Variants in PRKX observed in about 807,000 individuals in gnomAD.
The protein encoded by PRKX is cAMP-dependent protein kinase catalytic subunit PRKX.
PRKX carries 12 observed loss-of-function variants against 22.0 expected under a neutral mutation model. The observed-to-expected ratio is 0.54, with a 90% CI of 0.35 to 0.88. PRKX has a LOEUF of 0.88. PRKX is among the 40% of genes least tolerant of loss of function. The pLI is 0.01. For synonymous variants in PRKX, 134 were observed against 137.7 expected, an observed-to-expected ratio of 0.97 and a Z score of 0.19; for missense variants, 217 against 308.0, an observed-to-expected ratio of 0.70 and a Z score of 2.21.
At chrX:3,708,597 G>A (rs1439798853) in intron 1 of PRKX, among the ~76,000 whole-genome samples, 2 of 110,602 alleles carry the variant, frequency 1.8e-5, no homozygotes, top group Non-Finnish European at 3.8e-5. Context: ...AGGCACGGTG[G>A]CTCACACCTG....
chrX:3,703,990 T>C (rs1484031260), intron 1 of PRKX, among the ~76,000 whole-genome samples: 1 of 111,013 alleles, frequency 9.0e-6, no homozygotes, highest in Non-Finnish European at 1.9e-5. Flanking sequence ...CTATTTATCA[T>C]GTTTTCTCCT....
intron 4 of PRKX, among the ~76,000 whole-genome samples, chrX:3,640,996 C>T (rs1201755143): frequency 9.0e-6 from 1 of 111,420 alleles, no homozygotes. Context: ...AGGGGAGGAA[C>T]CCTCAGCTCC....
At chrX:3,692,160 A>G (rs1285271712) in intron 1 of PRKX, among the ~76,000 whole-genome samples, 2 of 107,955 alleles carry the variant, frequency 1.9e-5, no homozygotes, top group Admixed American at 2.0e-4. Flanking sequence ...AAAGAGAGAG[A>G]CTGACTCTCA....
rs1489589826 is a variant in PRKX, at chrX:3,639,224, G to A, written c.719+2628C>T. Among the ~76,000 whole-genome samples the A allele has an allele frequency of 1.3e-3, 7 of 5,262 alleles. 1 individual carries two copies. Among genetic ancestry groups the A allele is most frequent in the Admixed American group, 3.0e-3 (1 of 331 alleles). The allele number at this position is 5,262 out of a possible 115,157, so 4.6% of individuals were successfully genotyped here. On this transcript the variant is annotated intron_variant, in intron 4 of 8. Coordinates refer to ENST00000262848, the MANE Select transcript of PRKX (RefSeq NM_005044.5). ...GGGCAGGTGGGTGGATGGATGAAGG[G>A]GTGGGTGGGTGGATGGATGAAGGGG...
intron 1 of PRKX, among the ~76,000 whole-genome samples, chrX:3,689,049 C>A (rs1226565878): frequency 8.9e-6 from 1 of 112,098 alleles, no homozygotes; most frequent in African/African-American, 3.2e-5. Flanking sequence ...ATAACTTTCT[C>A]ACCTTTTAAA....
intron 1 of PRKX, among the ~76,000 whole-genome samples, chrX:3,707,246 GAAC>G (rs1349098509): frequency 1.8e-5 from 2 of 112,194 alleles, no homozygotes; most frequent in African/African-American, 3.2e-5. Flanking sequence ...GTGTCATAAA[GAAC>G]AACTGCCGAT....
At chrX:3,689,352 T>C (rs1387871655) in intron 1 of PRKX, among the ~76,000 whole-genome samples, 2 of 112,325 alleles carry the variant, frequency 1.8e-5, no homozygotes, top group African/African-American at 3.2e-5. Context: ...TTCTATTTTA[T>C]AGACAGGAAA....
intron 1 of PRKX, among the ~76,000 whole-genome samples, chrX:3,700,573 T>C (rs2146610994): frequency 9.1e-6 from 1 of 110,303 alleles, no homozygotes; most frequent in South Asian, 3.8e-4. Flanking sequence ...CCTTCTTCTT[T>C]CTCTTTTTTC....
At chrX:3,664,248 T>C (rs1927674197) in intron 2 of PRKX, among the ~76,000 whole-genome samples, 1 of 112,011 alleles carries the variant, frequency 8.9e-6, no homozygotes. Flanking sequence ...TTTTGTTTTT[T>C]TCCTAGATAG....
At chrX:3,640,877 A>G (rs1046456524) in intron 4 of PRKX, among the ~76,000 whole-genome samples, 2 of 111,623 alleles carry the variant, frequency 1.8e-5, no homozygotes, top group African/African-American at 6.5e-5. Context: ...TTCATGGCTC[A>G]TTATACATTA....
chrX:3,699,265 A>C (rs1341774876), intron 1 of PRKX, among the ~76,000 whole-genome samples: 1 of 105,763 alleles, frequency 9.5e-6, no homozygotes, highest in East Asian at 3.1e-4. Flanking sequence ...TCAAACTCCT[A>C]AGCTCAGGCA....
chrX:3,685,136 A>C (rs1928151160), intron 1 of PRKX, among the ~76,000 whole-genome samples: 1 of 111,160 alleles, frequency 9.0e-6, no homozygotes, highest in South Asian at 3.8e-4. Context: ...TCTTGCATAC[A>C]CACTTTCCAT....
At chrX:3,689,930 TGG>T (rs1255874528) in intron 1 of PRKX, among the ~76,000 whole-genome samples, 11 of 110,943 alleles carry the variant, frequency 9.9e-5, no homozygotes, top group African/African-American at 3.0e-4. Flanking sequence ...TGAGCCGAGA[TGG>T]CACCACTGCA....
At position 3,606,038 on chromosome X, in the gene PRKX, T is replaced by C. The variant is rs2146550269; in HGVS notation, c.*2931A>G. The C allele has an allele frequency of 8.9e-6, 1 of 112,551 alleles. No individual in the cohort carries two copies. Among genetic ancestry groups the C allele is most frequent in the African/African-American group, 3.2e-5 (1 of 31,027 alleles). 9.3% of individuals were successfully genotyped at this position (112,551 alleles called of 1,213,427 possible). A position where few individuals can be genotyped will look rare whatever the true frequency, so the allele number is the denominator to read the frequency against. On this transcript the variant is annotated 3_prime_UTR_variant, in exon 9 of 9. Coordinates refer to ENST00000262848, the MANE Select transcript of PRKX (RefSeq NM_005044.5). ...TGCCTATGAAAGCAGGCCGGTGGCA[T>C]TTCCCTTCAGAAAAACAAGACTTGC...
At chrX:3,650,390 G>T (rs1360009936) in intron 3 of PRKX, among the ~76,000 whole-genome samples, 2 of 106,445 alleles carry the variant, frequency 1.9e-5, no homozygotes, top group Non-Finnish European at 3.9e-5. Flanking sequence ...GCGTGGTGGT[G>T]GGCGCCTGTA....
rs1421528932 is a variant in PRKX, at chrX:3,694,249, G to A, written c.166+18839C>T. The stretch of plus-strand genomic sequence containing the variant: ...TAAAAATATAAAAAATAAGCCAGGC[G>A]TGGTGTCGGGTGCCTATAATCCCAG... On this transcript the variant is annotated intron_variant, in intron 1 of 8. Coordinates refer to ENST00000262848, the MANE Select transcript of PRKX (RefSeq NM_005044.5). Among the ~76,000 whole-genome samples the A allele has an allele frequency of 4.6e-5, 5 of 108,837 alleles. No individual in the cohort carries two copies. The East Asian group carries it at 1.2e-3, about 25-fold the overall frequency. 94.5% of individuals were successfully genotyped at this position (108,837 alleles called of 115,157 possible).
At chrX:3,697,322 C>T (rs1031132857) in intron 1 of PRKX, among the ~76,000 whole-genome samples, 3 of 111,089 alleles carry the variant, frequency 2.7e-5, no homozygotes, top group Admixed American at 9.6e-5. Context: ...GCTATGATTA[C>T]GCCACTGCAC....
intron 2 of PRKX, among the ~76,000 whole-genome samples, chrX:3,669,210 C>T (rs1414315667): frequency 1.8e-5 from 2 of 112,559 alleles, no homozygotes; most frequent in Non-Finnish European, 3.8e-5. Context: ...TCATCTATAG[C>T]TATCATCTAT....
chrX:3,658,724 A>G (rs917445834), intron 2 of PRKX, among the ~76,000 whole-genome samples: 11 of 110,840 alleles, frequency 9.9e-5, no homozygotes, highest in African/African-American at 3.6e-4. Flanking sequence ...GACCCGTGCC[A>G]GTTTTGTCTC....
Sources: gnomAD v4.1 joint callset for allele counts (sites outside exome capture counted in the v4.1 genomes callset) on GRCh38, gnomAD v4.1.1 for gene constraint, MANE v1.5 for transcripts, NCBI Gene and HGNC (gene_info 2026-07-23, HGNC 2026-07-21) for gene names.